VRK1: variants seen among roughly 807,000 people sequenced by gnomAD.
VRK1 encodes the protein serine/threonine-protein kinase VRK1.
VRK1 carries 33 observed loss-of-function variants against 57.1 expected under a neutral mutation model. The ratio of observed to expected loss-of-function variants is 0.58; its 90% CI spans 0.44 to 0.77. VRK1 has a LOEUF of 0.77. VRK1 is among the 30% of genes least tolerant of loss of function. The pLI is 0.00. For synonymous variants in VRK1, 137 were observed against 147.8 expected, an observed-to-expected ratio of 0.93 and a Z score of 0.53; for missense variants, 413 against 477.3, an observed-to-expected ratio of 0.87 and a Z score of 1.25.
At chr14:96,848,746 AT>A (rs1489488181) in intron 5 of VRK1, among the ~76,000 whole-genome samples, 3 of 152,090 alleles carry the variant, frequency 2.0e-5, no homozygotes, top group Non-Finnish European at 4.4e-5. Flanking sequence ...AATTTGGGCA[AT>A]TTTTTGCTTT....
chr14:96,854,813 G>A (rs1487732450), intron 7 of VRK1, among the ~76,000 whole-genome samples: 1 of 152,120 alleles, frequency 6.6e-6, no homozygotes, highest in Non-Finnish European at 1.5e-5. Context: ...GTCTTCTACT[G>A]GGTGTGCTTT....
intron 3 of VRK1, among the ~76,000 whole-genome samples, chr14:96,841,937 CT>C (rs1887480548): frequency 1.3e-5 from 2 of 152,198 alleles, no homozygotes; most frequent in African/African-American, 4.8e-5. Context: ...TTCTTTTCCC[CT>C]AGCACTCTCT....
chr14:96,801,383 TAGAA>T lies in VRK1; in HGVS notation c.-6+3941_-6+3944del, dbSNP rs566135760. 2.1e-3 allele frequency among the ~76,000 whole-genome samples: 315 copies of T among 152,354 alleles called. 5 individuals carry two copies. Among genetic ancestry groups the T allele is most frequent in the African/African-American group, 6.8e-3 (283 of 41,576 alleles). On this transcript the variant is annotated intron_variant, in intron 1 of 12. Coordinates refer to ENST00000216639, the MANE Select transcript of VRK1 (RefSeq NM_003384.3). ...GATTGCGTTTCACAATATTAAGTGT[TAGAA>T]AGAACTATTAGACCTTAAGTATTTA... is the stretch of plus-strand genomic sequence containing the variant.
chr14:96,873,869 G>T (rs1888923688), intron 11 of VRK1, among the ~76,000 whole-genome samples: 1 of 152,102 alleles, frequency 6.6e-6, no homozygotes, highest in African/African-American at 2.4e-5. Flanking sequence ...AGAAAAGTTG[G>T]GCAGGAGTTA....
intron 1 of VRK1, among the ~76,000 whole-genome samples, chr14:96,808,276 C>T (rs773668127): frequency 6.6e-5 from 10 of 150,930 alleles, no homozygotes; most frequent in Non-Finnish European, 1.5e-4. Flanking sequence ...CTTTCTGCCC[C>T]TGTTTTTGTT....
chr14:96,860,933 C>A (rs1344857972), intron 11 of VRK1, 198 bp downstream of exon 11: 2 of 440,646 alleles, frequency 4.5e-6, no homozygotes, highest in East Asian at 8.0e-5. Context: ...TGTTTAGTAG[C>A]AAGTTACTAA....
chr14:96,807,115 C>T (rs72711018), intron 1 of VRK1, among the ~76,000 whole-genome samples: 2,023 of 152,310 alleles, frequency 0.013, 28 homozygotes, highest in South Asian at 0.051. Flanking sequence ...GTTCTCTGCA[C>T]TGTGGGATGT....
chr14:96,808,024 T>TCTCTCTCTCC (rs762861599), intron 1 of VRK1, among the ~76,000 whole-genome samples: 5 of 47,320 alleles, frequency 1.1e-4, no homozygotes, highest in Non-Finnish European at 2.0e-4. Context: ...CCTCTGTGTG[T>TCTCTCTCTCC]GTGTGTGTGT....
intron 1 of VRK1, among the ~76,000 whole-genome samples, chr14:96,821,143 T>C (rs1003166876): frequency 1.3e-5 from 2 of 152,244 alleles, no homozygotes; most frequent in African/African-American, 4.8e-5. Context: ...TGTTTCTGCA[T>C]ATAGCTGAAT....
chr14:96,814,943 A>G (rs1768821995), intron 1 of VRK1, among the ~76,000 whole-genome samples: 1 of 152,214 alleles, frequency 6.6e-6, no homozygotes, highest in African/African-American at 2.4e-5. Flanking sequence ...GATGGTAATT[A>G]AGGATCTTTC....
At chr14:96,854,853 A>G (rs1440746122) in intron 7 of VRK1, among the ~76,000 whole-genome samples, 1 of 152,178 alleles carries the variant, frequency 6.6e-6, no homozygotes, top group Non-Finnish European at 1.5e-5. Flanking sequence ...TTGTATTGCA[A>G]CAAGTATTGA....
chr14:96,813,784 A>G (rs79084012), intron 1 of VRK1, among the ~76,000 whole-genome samples: 3,873 of 152,240 alleles, frequency 0.025, 151 homozygotes, highest in African/African-American at 0.083. Context: ...CTTGTTTTGC[A>G]CATGATTTAT....
intron 3 of VRK1, among the ~76,000 whole-genome samples, chr14:96,841,031 A>G (rs1345362973): frequency 6.6e-6 from 1 of 151,256 alleles, no homozygotes; most frequent in Non-Finnish European, 1.5e-5. Context: ...AATTTTTTTG[A>G]TTTTTTGGTA....
intron 5 of VRK1, among the ~76,000 whole-genome samples, chr14:96,848,543 G>T (rs1887808122): frequency 6.6e-6 from 1 of 152,092 alleles, no homozygotes; most frequent in African/African-American, 2.4e-5. Flanking sequence ...TAGGGAGTGT[G>T]GGGATCCCTG....
At chr14:96,840,993 C>T (rs910872864) in intron 3 of VRK1, among the ~76,000 whole-genome samples, 1 of 151,726 alleles carries the variant, frequency 6.6e-6, no homozygotes, top group Non-Finnish European at 1.5e-5. Flanking sequence ...GCAGCTGGGA[C>T]TAAAGGCACG....
chr14:96,842,391 A>G (rs1413123968), intron 3 of VRK1, among the ~76,000 whole-genome samples: 1 of 152,208 alleles, frequency 6.6e-6, no homozygotes, highest in Non-Finnish European at 1.5e-5. Flanking sequence ...AACATTTGTC[A>G]TTTAAAACAT....
intron 4 of VRK1, among the ~76,000 whole-genome samples, chr14:96,846,939 G>A (rs1192783711): frequency 6.6e-6 from 1 of 151,964 alleles, no homozygotes; most frequent in Non-Finnish European, 1.5e-5. Flanking sequence ...TGTCTTGAGG[G>A]GTGGGGGTTC....
intron 9 of VRK1, 28 bp downstream of exon 9, chr14:96,856,278 CA>C (rs1168251124): frequency 1.2e-6 from 2 of 1,609,058 alleles, no homozygotes; most frequent in East Asian, 4.5e-5. Context: ...TTATTTCTAG[CA>C]AAATCATGAT....
chr14:96,814,183 A>C (rs1361034892), intron 1 of VRK1, among the ~76,000 whole-genome samples: 1 of 152,218 alleles, frequency 6.6e-6, no homozygotes, highest in Non-Finnish European at 1.5e-5. Context: ...ACTTGATATC[A>C]GTATTCATTT....
Sources: gnomAD v4.1 joint callset for allele counts (sites outside exome capture counted in the v4.1 genomes callset) on GRCh38, gnomAD v4.1.1 for gene constraint, MANE v1.5 for transcripts, NCBI Gene and HGNC (gene_info 2026-07-23, HGNC 2026-07-21) for gene names.